NXPH1: variants seen among roughly 807,000 people sequenced by gnomAD.
NXPH1 encodes neurexophilin-1.
A neutral mutation model predicts 23.7 loss-of-function variants in NXPH1; 5 were observed. The observed-to-expected ratio is 0.21, with a 90% CI of 0.11 to 0.44. NXPH1 has a LOEUF of 0.44. NXPH1 is among the 20% of genes least tolerant of loss of function. NXPH1 has a pLI of 0.99. For synonymous variants in NXPH1, 144 were observed against 122.2 expected (o/e 1.18, Z -1.18); for missense variants, 324 against 321.6 (o/e 1.01, Z -0.06).
At chr7:8,675,851 G>C (rs1820943886) in intron 2 of NXPH1, among the ~76,000 whole-genome samples, 1 of 152,106 alleles carries the variant, frequency 6.6e-6, no homozygotes, top group Non-Finnish European at 1.5e-5. Context: ...TGTGTAAATG[G>C]ATTCCAATAA....
At chr7:8,590,737 A>G (rs907238301) in intron 2 of NXPH1, among the ~76,000 whole-genome samples, 5 of 152,090 alleles carry the variant, frequency 3.3e-5, no homozygotes, top group Non-Finnish European at 7.4e-5. Context: ...ACCTTTTTAC[A>G]GTAATTGACT....
At chr7:8,488,184 G>A (rs1309966895) in intron 2 of NXPH1, among the ~76,000 whole-genome samples, 2 of 152,050 alleles carry the variant, frequency 1.3e-5, no homozygotes, top group African/African-American at 4.8e-5. Context: ...CCTACAGTAG[G>A]TAACTTTTCT....
At chr7:8,523,697 A>C (rs761837165) in intron 2 of NXPH1, among the ~76,000 whole-genome samples, 7 of 152,194 alleles carry the variant, frequency 4.6e-5, no homozygotes, top group Non-Finnish European at 8.8e-5. Context: ...CTAGGCATAC[A>C]ACAAACATTT....
intron 2 of NXPH1, among the ~76,000 whole-genome samples, chr7:8,695,025 G>A (rs190356417): frequency 6.6e-6 from 1 of 152,140 alleles, no homozygotes; most frequent in African/African-American, 2.4e-5. Flanking sequence ...TATAATTTTG[G>A]ATGTCTGGCA....
At chr7:8,601,681 C>T (rs1819365609) in intron 2 of NXPH1, among the ~76,000 whole-genome samples, 1 of 152,130 alleles carries the variant, frequency 6.6e-6, no homozygotes, top group South Asian at 2.1e-4. Flanking sequence ...ATGTCAGGAC[C>T]CAATTCCCTA....
intron 2 of NXPH1, among the ~76,000 whole-genome samples, chr7:8,705,728 T>C (rs1224761134): frequency 6.6e-6 from 1 of 152,172 alleles, no homozygotes; most frequent in African/African-American, 2.4e-5. Flanking sequence ...TCTATGACTA[T>C]TGCAAAGATC....
chr7:8,453,640 G>A (rs1392360268), intron 2 of NXPH1, among the ~76,000 whole-genome samples: 1 of 152,114 alleles, frequency 6.6e-6, no homozygotes, highest in Non-Finnish European at 1.5e-5. Flanking sequence ...CTGCATCTCA[G>A]AAGTGAGTAA....
At chr7:8,479,646 A>C (rs943821702) in intron 2 of NXPH1, among the ~76,000 whole-genome samples, 4 of 152,176 alleles carry the variant, frequency 2.6e-5, no homozygotes, top group Non-Finnish European at 5.9e-5. Flanking sequence ...TAGAGAAATG[A>C]CTAATTCCAG....
intron 2 of NXPH1, among the ~76,000 whole-genome samples, chr7:8,689,300 A>G (rs117725522): frequency 7.7e-6 from 1 of 130,698 alleles, no homozygotes; most frequent in African/African-American, 2.8e-5. Context: ...TACATGCTAC[A>G]TTCTATGCAG....
chr7:8,712,916 T>C (rs1779818852), intron 2 of NXPH1, among the ~76,000 whole-genome samples: 1 of 152,206 alleles, frequency 6.6e-6, no homozygotes, highest in African/African-American at 2.4e-5. Context: ...GGGTTAAATC[T>C]GCTTGGTATT....
At chr7:8,471,274 C>T (rs1026557830) in intron 2 of NXPH1, among the ~76,000 whole-genome samples, 1 of 152,090 alleles carries the variant, frequency 6.6e-6, no homozygotes, top group African/African-American at 2.4e-5. Flanking sequence ...ACAAGAAAAG[C>T]TGTGCTTAAG....
chr7:8,654,403 A>G (rs557438782), intron 2 of NXPH1, among the ~76,000 whole-genome samples: 1 of 152,340 alleles, frequency 6.6e-6, no homozygotes, highest in South Asian at 2.1e-4. Flanking sequence ...CCACAAAGCA[A>G]ATATGATTAT....
intron 2 of NXPH1, among the ~76,000 whole-genome samples, chr7:8,536,232 G>T (rs1818023149): frequency 6.6e-6 from 1 of 151,968 alleles, no homozygotes; most frequent in Non-Finnish European, 1.5e-5. Context: ...TTGGGGAATT[G>T]AACTCACTCA....
chr7:8,514,809 C>T (rs556757229), intron 2 of NXPH1, among the ~76,000 whole-genome samples: 3 of 152,142 alleles, frequency 2.0e-5, no homozygotes, highest in Non-Finnish European at 4.4e-5. Flanking sequence ...CCTGCCCCTC[C>T]ACTCACCTCC....
At chr7:8,666,407 CT>C (rs1433097882) in intron 2 of NXPH1, among the ~76,000 whole-genome samples, 5 of 151,854 alleles carry the variant, frequency 3.3e-5, no homozygotes, top group African/African-American at 1.2e-4. Flanking sequence ...ATAAGAAATC[CT>C]TTTAATATGC....
intron 2 of NXPH1, among the ~76,000 whole-genome samples, chr7:8,618,145 T>G (rs1002663819): frequency 1.3e-5 from 2 of 152,176 alleles, no homozygotes; most frequent in African/African-American, 4.8e-5. Context: ...AACCTACATC[T>G]TTTCTTTGAT....
At chr7:8,611,519 T>G (rs1397742990) in intron 2 of NXPH1, among the ~76,000 whole-genome samples, 1 of 152,036 alleles carries the variant, frequency 6.6e-6, no homozygotes, top group Non-Finnish European at 1.5e-5. Flanking sequence ...TAGCAATAGG[T>G]GATGAAGTCA....
chr7:8,501,556 A>G (rs1817435009), intron 2 of NXPH1, among the ~76,000 whole-genome samples: 1 of 152,016 alleles, frequency 6.6e-6, no homozygotes, highest in Non-Finnish European at 1.5e-5. Context: ...TAATTTCAAA[A>G]CTCTAGAGTC....
intron 2 of NXPH1, among the ~76,000 whole-genome samples, chr7:8,687,127 C>T (rs1365826552): frequency 6.6e-6 from 1 of 152,108 alleles, no homozygotes; most frequent in Non-Finnish European, 1.5e-5. Context: ...TTCCTACTTA[C>T]TCCTTTTGGT....
Sources: allele counts gnomAD v4.1 joint callset (sites outside exome capture counted in the v4.1 genomes callset), GRCh38; gene constraint gnomAD v4.1.1; transcripts MANE v1.5; gene names NCBI Gene and HGNC (gene_info 2026-07-23, HGNC 2026-07-21).